The following APLP2 variants were observed in gnomAD, a reference collection of about 807,000 sequenced individuals.
APLP2 encodes the protein CDEI box-binding protein.
APLP2 carries 53 observed loss-of-function variants against 89.9 expected under a neutral mutation model. The ratio of observed to expected loss-of-function variants is 0.59; its 90% confidence interval spans 0.47 to 0.74. The LOEUF is 0.74. Ranked by LOEUF, APLP2 falls within the 30% of genes least tolerant of loss-of-function variation. The probability of loss-of-function intolerance (pLI) is 0.00; values close to 1 mark genes in which losing one functional copy is unlikely to be tolerated. For synonymous variants in APLP2, 372 were observed against 348.6 expected (o/e 1.07, Z -0.75); for missense variants, 973 against 975.9 (o/e 1.00, Z 0.04).
At position 130,101,963 on chromosome 11, in the gene APLP2, T is replaced by A. The variant is rs1280135101; in HGVS notation, c.106-7466T>A. ...TGTTGCAGTCCCCGGTCTTTCCTGA[T>A]CAGCACCCTCAAATGTCTCATTGTG... On this transcript the variant is annotated intron_variant, in intron 1 of 16. Transcript: ENST00000338167. 3 of 456,274 alleles carry A rather than the reference T, an allele frequency of 6.6e-6. No homozygotes were observed. The Admixed American group carries it at 7.0e-5, about 11-fold the overall frequency. 28.3% of individuals were successfully genotyped at this position (456,274 alleles called of 1,614,324 possible).
Position 130,123,575 on chromosome 11 carries a change from C to A in APLP2, c.923-37C>A. 6.3e-7 allele frequency: 1 copy of A among 1,594,134 alleles called. No individual in the cohort carries two copies. The highest frequency in any genetic ancestry group is 1.1e-5 in the South Asian group (1 of 88,806). On this transcript the variant is annotated intron_variant, in intron 6 of 16. Transcript: ENST00000338167. This position sits in a 1 kb window ranked among gnomAD's most constrained non-coding sequence, Gnocchi z 4.0. ...CATTTTGAAGCATTTGACGTCACTG[C>A]CTCTGTCCTGCTGACACTCTGACCA...
rs1159932590 is a variant in APLP2, at chr11:130,070,418, C to A, written c.105+336C>A. The stretch of plus-strand genomic sequence containing the variant: ...TGCCCCCGGGCGCCCGCCCCGCCCT[C>A]CCCCGGGACAATGCCAGGGCGCTCC... On this transcript the variant is annotated intron_variant, in intron 1 of 16. Coordinates refer to ENST00000338167, the MANE Select transcript of APLP2 (RefSeq NM_001142276.2). The A allele has an allele frequency of 6.8e-6, 4 of 586,886 alleles. 1 individual carries two copies. Among genetic ancestry groups the A allele is most frequent in the African/African-American group, 4.0e-5 (2 of 50,026 alleles). 36.4% of individuals were successfully genotyped at this position (586,886 alleles called of 1,614,324 possible).
chr11:130,092,576 C>T (rs796853327), intron 1 of APLP2, among the ~76,000 whole-genome samples: 140 of 139,728 alleles, frequency 1.0e-3, no homozygotes, highest in Admixed American at 1.3e-3. Flanking sequence ...TCAGGCGTGG[C>T]GGCGCGTGCC....
intron 7 of APLP2, 110 bp from the exon 8 acceptor site, chr11:130,126,590 G>T (rs1950390686): frequency 7.6e-7 from 1 of 1,318,976 alleles, no homozygotes; most frequent in Admixed American, 1.8e-5. Context: ...TGCACTTAGA[G>T]AATGCCACAA....
At chr11:130,138,325 CTTTAT>C (rs1352524599) in intron 13 of APLP2, among the ~76,000 whole-genome samples, 1 of 151,368 alleles carries the variant, frequency 6.6e-6, no homozygotes, top group East Asian at 1.9e-4. Context: ...CGTGTAGATG[CTTTAT>C]TTTATTCTAC....
chr11:130,090,578 G>C (rs1221684878), intron 1 of APLP2, among the ~76,000 whole-genome samples: 1 of 151,850 alleles, frequency 6.6e-6, no homozygotes, highest in Non-Finnish European at 1.5e-5. Context: ...ACAGGGTTGG[G>C]GGTAAGGTCA....
chr11:130,133,258 G>T (rs1427782415), intron 11 of APLP2, among the ~76,000 whole-genome samples: 1 of 151,956 alleles, frequency 6.6e-6, no homozygotes, highest in Non-Finnish European at 1.5e-5. Flanking sequence ...AGGTAGCCGT[G>T]ACTGCAGGCA....
chr11:130,121,854 T>C, intron 5 of APLP2, 44 bp downstream of exon 5: 1 of 1,586,904 alleles, frequency 6.3e-7, no homozygotes, highest in Non-Finnish European at 8.5e-7. Context: ...TGCCTTTTTG[T>C]TAGCCCTTCT....
chr11:130,123,879 C>A lies in APLP2; in HGVS notation c.1090+100C>A. ...GCTGCATCTGTGTGGTGTCCCTGCC[C>A]ACTCGGGTGTTTGCTGTCGGTCGTC... On this transcript the variant is annotated intron_variant, in intron 7 of 16. Coordinates refer to ENST00000338167, the MANE Select transcript of APLP2 (RefSeq NM_001142276.2). This position sits in a 1 kb window ranked among gnomAD's most constrained non-coding sequence, Gnocchi z 4.0. The A allele has an allele frequency of 1.5e-6, 2 of 1,338,972 alleles. No homozygotes were observed. The highest frequency in any genetic ancestry group is 1.5e-5 in the African/African-American group (1 of 68,824). 82.9% of individuals were successfully genotyped at this position (1,338,972 alleles called of 1,614,324 possible). A position where few individuals can be genotyped will look rare whatever the true frequency, so the allele number is the denominator to read the frequency against.
intron 1 of APLP2, among the ~76,000 whole-genome samples, chr11:130,095,455 G>T (rs1484236264): frequency 6.6e-6 from 1 of 152,220 alleles, no homozygotes; most frequent in Non-Finnish European, 1.5e-5. Flanking sequence ...GGCAGTTTAA[G>T]AATTAAAAAC....
At chr11:130,119,154 A>G (rs1949540025) in intron 3 of APLP2, among the ~76,000 whole-genome samples, 1 of 152,136 alleles carries the variant, frequency 6.6e-6, no homozygotes, top group Admixed American at 6.5e-5. Context: ...TTCTTAGACC[A>G]CATTACTTTC....
intron 1 of APLP2, among the ~76,000 whole-genome samples, chr11:130,086,255 A>T (rs1944107812): frequency 6.6e-6 from 1 of 152,092 alleles, no homozygotes; most frequent in South Asian, 2.1e-4. Context: ...GCGGTGTCTT[A>T]TTGTTTTGAT....
chr11:130,123,524 C>CCATCCCCCAGCT lies in APLP2; in HGVS notation c.923-86_923-75dup. On this transcript the variant is annotated intron_variant, in intron 6 of 16. Coordinates refer to ENST00000338167, the MANE Select transcript of APLP2 (RefSeq NM_001142276.2). The surrounding 1 kb of genome is among the most constrained non-coding windows in gnomAD (Gnocchi z 4.0). Reference sequence around the variant, plus strand: ...CGTCCAGTCTCAGGCCTCCCCCAGCCCATCCCCCAGCTCGCCAGCCTGTAG... The same window carrying CCATCCCCCAGCT: ...CGTCCAGTCTCAGGCCTCCCCCAGCCCATCCCCCAGCTCATCCCCCAGCTCGCCAGCCTGTAG... The CCATCCCCCAGCT allele has an allele frequency of 7.1e-7, 1 of 1,416,150 alleles. No homozygotes were observed. The highest frequency in any genetic ancestry group is 1.4e-5 in the African/African-American group (1 of 70,622). The allele number at this position is 1,416,150 out of a possible 1,614,324, so 87.7% of individuals were successfully genotyped here.
At chr11:130,126,395 G>A (rs1375344084) in intron 7 of APLP2, among the ~76,000 whole-genome samples, 1 of 152,218 alleles carries the variant, frequency 6.6e-6, no homozygotes, top group East Asian at 1.9e-4. Context: ...TTCGAGCACT[G>A]AAGGGAAGGT....
At chr11:130,078,892 T>G (rs1308622045) in intron 1 of APLP2, among the ~76,000 whole-genome samples, 1 of 151,992 alleles carries the variant, frequency 6.6e-6, no homozygotes, top group Non-Finnish European at 1.5e-5. Context: ...GATCAAGCCC[T>G]TCCTTGCTTG....
At chr11:130,140,112 C>T (rs574831414) in intron 13 of APLP2, among the ~76,000 whole-genome samples, 1 of 152,280 alleles carries the variant, frequency 6.6e-6, no homozygotes, top group East Asian at 1.9e-4. Context: ...ATGTGTCTTA[C>T]AATAAACATT....
chr11:130,122,435 G>T lies in APLP2; in HGVS notation c.844G>T (p.Asp282Tyr). The T allele has an allele frequency of 6.2e-7, 1 of 1,614,170 alleles. No individual in the cohort carries two copies. The highest frequency in any genetic ancestry group is 8.5e-7 in the Non-Finnish European group (1 of 1,180,010). ...CTACTATGACACCTTCAAAGGAGAT[G>T]ACTACAATGAGGAGAATCCTACTGA... is the stretch of plus-strand genomic sequence containing the variant. ...DYYYDTFKGD[D>Y]YNEENPTEPG... The change falls in exon 6 of 17, where the codon GAC (aspartate) becomes TAC (tyrosine). Residue 282 changes from aspartate to tyrosine, a missense_variant. Physicochemically the swap from Asp to Tyr is radical, Grantham distance 160. Transcript: ENST00000338167.
chr11:130,109,442 A>G lies in APLP2; in HGVS notation c.119A>G (p.Asn40Ser), dbSNP rs550815498. Residue 40 changes from asparagine (N) to serine (S), a missense_variant, in exon 2 of 17, where the codon AAT (asparagine) becomes AGT (serine). By Grantham distance (46) the Asn-to-Ser change is conservative. Coordinates refer to ENST00000338167, the MANE Select transcript of APLP2 (RefSeq NM_001142276.2). ...TCCCTTTGGTAGGCTCTTGCAGCCA[A>G]TGCCGGAACAGGATTTGCTGTTGCT... ...LAGYIEALAA[N>S]AGTGFAVAEP... is the part of the protein sequence containing the mutation. 2.9e-5 allele frequency: 47 copies of G among 1,611,374 alleles called. No homozygotes were observed. Among genetic ancestry groups the G allele is most frequent in the Admixed American group, 1.2e-4 (7 of 59,558 alleles).
intron 1 of APLP2, among the ~76,000 whole-genome samples, chr11:130,094,156 C>T (rs12577793): frequency 0.098 from 14,612 of 149,864 alleles, 1,042 homozygotes; most frequent in African/African-American, 0.2. Flanking sequence ...CGGGTTTAAG[C>T]GATTCTCCTT....
Sources: gnomAD v4.1 joint callset for allele counts (sites outside exome capture counted in the v4.1 genomes callset) on GRCh38, gnomAD v4.1.1 for gene constraint, Gnocchi (gnomAD v3.1) non-coding constraint, MANE v1.5 for transcripts, NCBI Gene and HGNC (gene_info 2026-07-23, HGNC 2026-07-21) for gene names.